CNOT10: variants seen among roughly 807,000 people sequenced by gnomAD.
CNOT10 encodes the protein CCR4-NOT transcription complex subunit 10.
In CNOT10, 30 loss-of-function variants were observed where a neutral mutation model predicts 94.6. The observed-to-expected ratio is 0.32, with a 90% CI of 0.24 to 0.43. The LOEUF is 0.43. Among genes scored for constraint, CNOT10 ranks in the 20% least tolerant of loss-of-function variants. The probability of loss-of-function intolerance (pLI) is 1.00; values close to 1 mark genes in which losing one functional copy is unlikely to be tolerated. For synonymous variants in CNOT10, 289 were observed against 301.6 expected (o/e 0.96, Z 0.43); for missense variants, 759 against 877.2 (o/e 0.87, Z 1.70).
chr3:32,693,837 C>T lies in CNOT10; in HGVS notation c.22+8355C>T, dbSNP rs529940256. ...GATTACAGGTGTGAGCCACCATGCC[C>T]GGCACTTATATTAGTCTTATGATTT... is the stretch of plus-strand genomic sequence containing the variant. On this transcript the variant is annotated intron_variant, in intron 1 of 18. Coordinates refer to ENST00000328834, the MANE Select transcript of CNOT10 (RefSeq NM_015442.3). 9.2e-5 allele frequency among the ~76,000 whole-genome samples: 14 copies of T among 152,128 alleles called. No homozygotes were observed. The South Asian group carries it at 2.3e-3, about 25-fold the overall frequency.
chr3:32,760,173 C>G (rs1575304428), intron 14 of CNOT10, among the ~76,000 whole-genome samples: 2 of 149,688 alleles, frequency 1.3e-5, no homozygotes, highest in East Asian at 3.9e-4. Context: ...GAGCAAGACT[C>G]TGTCTCAAAA....
At chr3:32,762,415 G>A (rs1398691447) in intron 14 of CNOT10, among the ~76,000 whole-genome samples, 1 of 151,742 alleles carries the variant, frequency 6.6e-6, no homozygotes, top group Non-Finnish European at 1.5e-5. Context: ...GACTACAGGT[G>A]TATGCCACCA....
At chr3:32,687,292 CG>C (rs1440855026) in intron 1 of CNOT10, among the ~76,000 whole-genome samples, 8 of 151,594 alleles carry the variant, frequency 5.3e-5, no homozygotes, top group African/African-American at 9.7e-5. Context: ...TGTCGCCCCC[CG>C]CTTTTTTTAT....
At chr3:32,702,036 G>A (rs1166402292) in intron 1 of CNOT10, among the ~76,000 whole-genome samples, 1 of 150,920 alleles carries the variant, frequency 6.6e-6, no homozygotes, top group Non-Finnish European at 1.5e-5. Flanking sequence ...CTGACCTCGT[G>A]ATCCACCCGC....
At chr3:32,714,926 C>A (rs79519923) in intron 5 of CNOT10, among the ~76,000 whole-genome samples, 3,350 of 152,138 alleles carry the variant, frequency 0.022, 50 homozygotes, top group East Asian at 0.048. Context: ...TGTGTACATT[C>A]TTGATGTTTA....
intron 17 of CNOT10, chr3:32,769,662 C>G: frequency 2.1e-6 from 1 of 485,746 alleles, no homozygotes; most frequent in Non-Finnish European, 3.8e-6. Flanking sequence ...ATCGGGGTGT[C>G]CAGTCACCCA....
chr3:32,734,504 C>G (rs1699093607), intron 11 of CNOT10, among the ~76,000 whole-genome samples: 1 of 152,166 alleles, frequency 6.6e-6, no homozygotes, highest in Non-Finnish European at 1.5e-5. Context: ...TGCAGTTTCT[C>G]TAGTATGTTA....
chr3:32,691,645 A>C (rs537147049), intron 1 of CNOT10, among the ~76,000 whole-genome samples: 1 of 152,366 alleles, frequency 6.6e-6, no homozygotes, highest in Admixed American at 6.5e-5. Flanking sequence ...GGTTATAAAC[A>C]TCATAACACT....
chr3:32,698,737 A>G (rs902807606), intron 1 of CNOT10, among the ~76,000 whole-genome samples: 1 of 152,140 alleles, frequency 6.6e-6, no homozygotes, highest in Non-Finnish European at 1.5e-5. Context: ...GACTGCTGAC[A>G]TGTGCCAGGC....
At chr3:32,726,296 C>T (rs944142209) in intron 9 of CNOT10, among the ~76,000 whole-genome samples, 8 of 152,218 alleles carry the variant, frequency 5.3e-5, no homozygotes, top group Middle Eastern at 6.8e-3. Flanking sequence ...CAGCATCTGA[C>T]GGTCTTTAAG....
At chr3:32,751,215 C>A (rs1016708980) in intron 13 of CNOT10, among the ~76,000 whole-genome samples, 3 of 152,150 alleles carry the variant, frequency 2.0e-5, no homozygotes, top group South Asian at 2.1e-4. Context: ...GCCCTCCCAC[C>A]TCTGCGTCCC....
intron 13 of CNOT10, among the ~76,000 whole-genome samples, chr3:32,745,643 T>A (rs1699666626): frequency 6.6e-6 from 1 of 152,238 alleles, no homozygotes; most frequent in Non-Finnish European, 1.5e-5. Flanking sequence ...TATTCATCAG[T>A]AGAAGAATGG....
At chr3:32,760,561 G>C (rs996552582) in intron 14 of CNOT10, among the ~76,000 whole-genome samples, 14 of 152,126 alleles carry the variant, frequency 9.2e-5, no homozygotes, top group African/African-American at 3.4e-4. Flanking sequence ...GAGCCTGGGG[G>C]GCGGACGTTG....
At chr3:32,718,972 C>G (rs911452582) in intron 7 of CNOT10, among the ~76,000 whole-genome samples, 8 of 152,074 alleles carry the variant, frequency 5.3e-5, no homozygotes, top group East Asian at 3.9e-4. Flanking sequence ...AAAATTAGGT[C>G]GGGCATGGTG....
At chr3:32,704,249 T>C (rs1697506858) in intron 2 of CNOT10, among the ~76,000 whole-genome samples, 1 of 152,228 alleles carries the variant, frequency 6.6e-6, no homozygotes, top group Non-Finnish European at 1.5e-5. Context: ...GTCAGTCTTT[T>C]CATTTCACTA....
At chr3:32,705,420 T>G (rs1179595228) in intron 3 of CNOT10, among the ~76,000 whole-genome samples, 8 of 152,176 alleles carry the variant, frequency 5.3e-5, no homozygotes, top group Non-Finnish European at 1.0e-4. Context: ...ATGGCAATGT[T>G]TCTTGAATCC....
At position 32,695,612 on chromosome 3, in the gene CNOT10, T is replaced by C. The variant is rs1471833618; in HGVS notation, c.23-8256T>C. The stretch of plus-strand genomic sequence containing the variant: ...CTGCTTAGTTCAAACCTAAAGGCAA[T>C]TGTTTATTTAGAAATGAAGTCTATT... On this transcript the variant is annotated intron_variant, in intron 1 of 18. Coordinates refer to ENST00000328834, the MANE Select transcript of CNOT10 (RefSeq NM_015442.3). 7 of 1,535,030 alleles carry C rather than the reference T, an allele frequency of 4.6e-6. No individual in the cohort carries two copies. The African/African-American group carries it at 5.5e-5, about 12-fold the overall frequency.
At chr3:32,702,045 G>A (rs1005756692) in intron 1 of CNOT10, among the ~76,000 whole-genome samples, 5 of 150,486 alleles carry the variant, frequency 3.3e-5, no homozygotes, top group African/African-American at 4.9e-5. Flanking sequence ...TGATCCACCC[G>A]CCTTGGCCTC....
intron 1 of CNOT10, chr3:32,695,761 A>T: frequency 6.5e-7 from 1 of 1,536,034 alleles, no homozygotes; most frequent in Non-Finnish European, 8.7e-7. Flanking sequence ...TACTCTTTCA[A>T]TTGGCAACGG....
Sources: allele counts gnomAD v4.1 joint callset (sites outside exome capture counted in the v4.1 genomes callset), GRCh38; gene constraint gnomAD v4.1.1; transcripts MANE v1.5; gene names NCBI Gene and HGNC (gene_info 2026-07-23, HGNC 2026-07-21).